FSTL5: variants seen among roughly 807,000 people sequenced by gnomAD.
FSTL5 encodes the protein follistatin-related protein 5.
Under a neutral mutation model 89.1 loss-of-function variants are expected in FSTL5, and 62 were observed. The ratio of observed to expected loss-of-function variants is 0.70; its 90% CI spans 0.57 to 0.86. FSTL5 has a LOEUF of 0.86. Ranked by LOEUF, FSTL5 falls within the 40% of genes least tolerant of loss-of-function variation. The pLI, the probability that FSTL5 is intolerant of heterozygous loss-of-function variation, is 0.00. For missense variants in FSTL5, 1,057 were observed against 1,001.6 expected (o/e 1.06, Z -0.75); for synonymous variants, 383 against 346.2 (o/e 1.11, Z -1.18).
chr4:161,837,676 A>G (rs1383276540), intron 4 of FSTL5, among the ~76,000 whole-genome samples: 1 of 152,142 alleles, frequency 6.6e-6, no homozygotes, highest in African/African-American at 2.4e-5. Flanking sequence ...TAAAAAAGGA[A>G]ATCCAATTAT....
chr4:161,568,954 A>G (rs1732911489), intron 8 of FSTL5, among the ~76,000 whole-genome samples: 1 of 152,176 alleles, frequency 6.6e-6, no homozygotes, highest in Non-Finnish European at 1.5e-5. Flanking sequence ...ACTTTCTATA[A>G]AGAGAGGCTT....
At chr4:162,128,240 A>G (rs922366936) in intron 1 of FSTL5, among the ~76,000 whole-genome samples, 1 of 152,326 alleles carries the variant, frequency 6.6e-6, no homozygotes, top group South Asian at 2.1e-4. Context: ...CAATATGTCT[A>G]GATATAAAGT....
intron 8 of FSTL5, among the ~76,000 whole-genome samples, chr4:161,545,329 C>T (rs1402608834): frequency 6.6e-6 from 1 of 151,902 alleles, no homozygotes; most frequent in African/African-American, 2.4e-5. Context: ...TCTCTCTCTC[C>T]CATGTATATA....
At chr4:161,887,016 T>G (rs1286191887) in intron 4 of FSTL5, among the ~76,000 whole-genome samples, 1 of 152,184 alleles carries the variant, frequency 6.6e-6, no homozygotes, top group African/African-American at 2.4e-5. Context: ...TGTTAACATT[T>G]TATTGCTTTG....
chr4:161,790,648 C>G (rs1042893189), intron 4 of FSTL5, among the ~76,000 whole-genome samples: 5 of 152,092 alleles, frequency 3.3e-5, no homozygotes, highest in Admixed American at 2.0e-4. Context: ...AAGAGGTCAG[C>G]TAATAACATT....
intron 1 of FSTL5, among the ~76,000 whole-genome samples, chr4:162,131,828 C>G (rs965771630): frequency 1.3e-5 from 2 of 152,184 alleles, no homozygotes; most frequent in African/African-American, 2.4e-5. Context: ...GACCAGCAGA[C>G]CTTATACCAT....
At chr4:161,800,551 G>T (rs1729759335) in intron 4 of FSTL5, among the ~76,000 whole-genome samples, 1 of 151,608 alleles carries the variant, frequency 6.6e-6, no homozygotes, top group Non-Finnish European at 1.5e-5. Context: ...ACCTCCTTTT[G>T]TTCTCAATTG....
intron 2 of FSTL5, among the ~76,000 whole-genome samples, chr4:162,034,970 T>C (rs979695535): frequency 6.6e-6 from 1 of 152,172 alleles, no homozygotes; most frequent in Admixed American, 6.6e-5. Flanking sequence ...TTGTTTAATT[T>C]AGAGTATCTG....
At chr4:161,931,888 T>C (rs1447257386) in intron 3 of FSTL5, among the ~76,000 whole-genome samples, 1 of 151,982 alleles carries the variant, frequency 6.6e-6, no homozygotes, top group Non-Finnish European at 1.5e-5. Flanking sequence ...TAATGGGCTA[T>C]GGACTAAGAT....
At chr4:161,839,435 C>A (rs1273912645) in intron 4 of FSTL5, among the ~76,000 whole-genome samples, 2 of 152,056 alleles carry the variant, frequency 1.3e-5, no homozygotes, top group East Asian at 3.8e-4. Flanking sequence ...AAATGGGAAA[C>A]AACCCAAATG....
chr4:161,938,790 T>C (rs1264878459), intron 3 of FSTL5, among the ~76,000 whole-genome samples: 2 of 152,080 alleles, frequency 1.3e-5, no homozygotes, highest in African/African-American at 4.8e-5. Context: ...TTATTAGCTG[T>C]ATTCTTATGA....
chr4:161,669,590 T>C (rs1186733817), intron 6 of FSTL5, among the ~76,000 whole-genome samples: 1 of 151,588 alleles, frequency 6.6e-6, no homozygotes, highest in African/African-American at 2.4e-5. Flanking sequence ...ACATTCACAT[T>C]TAAAAAAAAA....
At chr4:162,144,159 G>A (rs947943267) in intron 1 of FSTL5, among the ~76,000 whole-genome samples, 1 of 152,120 alleles carries the variant, frequency 6.6e-6, no homozygotes, top group African/African-American at 2.4e-5. Context: ...CTAGAGACTG[G>A]TCTGCGGGAG....
intron 6 of FSTL5, among the ~76,000 whole-genome samples, chr4:161,688,121 C>G (rs1037456339): frequency 1.3e-5 from 2 of 152,174 alleles, no homozygotes; most frequent in African/African-American, 4.8e-5. Context: ...CTCCCTCTGT[C>G]ACTCAGGCTG....
chr4:161,582,578 A>G (rs1005256863), intron 8 of FSTL5, among the ~76,000 whole-genome samples: 3 of 152,192 alleles, frequency 2.0e-5, no homozygotes, highest in African/African-American at 7.2e-5. Flanking sequence ...GGAGAGGAAC[A>G]CACTAAAAAA....
intron 8 of FSTL5, among the ~76,000 whole-genome samples, chr4:161,560,915 G>C (rs1376563514): frequency 6.6e-6 from 1 of 151,880 alleles, no homozygotes; most frequent in African/African-American, 2.4e-5. Context: ...AAACATATAA[G>C]CCAGTAACAT....
intron 7 of FSTL5, among the ~76,000 whole-genome samples, chr4:161,646,507 T>A (rs1022909379): frequency 6.6e-6 from 1 of 151,984 alleles, no homozygotes; most frequent in African/African-American, 2.4e-5. Context: ...ATTAAGAATG[T>A]AATGACATAT....
At chr4:161,815,386 G>GGA (rs375980381) in intron 4 of FSTL5, among the ~76,000 whole-genome samples, 144 of 151,538 alleles carry the variant, frequency 9.5e-4, no homozygotes, top group African/African-American at 3.3e-3. Context: ...ATATCCACTT[G>GGA]GAGAGAGAGA....
At chr4:161,796,366 T>C (rs1427285612) in intron 4 of FSTL5, among the ~76,000 whole-genome samples, 5 of 151,450 alleles carry the variant, frequency 3.3e-5, no homozygotes, top group Non-Finnish European at 7.4e-5. Flanking sequence ...TCTCAGTGGT[T>C]GACTACAGTT....
Sources: gnomAD v4.1 joint callset for allele counts (sites outside exome capture counted in the v4.1 genomes callset) on GRCh38, gnomAD v4.1.1 for gene constraint, MANE v1.5 for transcripts, NCBI Gene and HGNC (gene_info 2026-07-23, HGNC 2026-07-21) for gene names.